LPIN1: variants seen among roughly 807,000 people sequenced by gnomAD.
LPIN1 encodes the protein phosphatidate phosphatase LPIN1.
Under a neutral mutation model 107.5 loss-of-function variants are expected in LPIN1, and 71 were observed. That is an observed-to-expected ratio of 0.66 (90% CI 0.55 to 0.80). The LOEUF is 0.80. Among genes scored for constraint, LPIN1 ranks in the 30% least tolerant of loss-of-function variants. The pLI is 0.00. For missense variants in LPIN1, 1,043 were observed against 1,160.6 expected (o/e 0.90, Z 1.47); for synonymous variants, 445 against 452.6 (o/e 0.98, Z 0.21).
At position 11,825,960 on chromosome 2, in the gene LPIN1, C is replaced by T. The variant is rs1007531632; in HGVS notation, c.*1169C>T. On this transcript the variant is annotated 3_prime_UTR_variant, in exon 21 of 21. Coordinates refer to ENST00000674199, the MANE Select transcript of LPIN1 (RefSeq NM_001349206.2). The surrounding 1 kb of genome is among the most constrained non-coding windows in gnomAD (Gnocchi z 4.1). Reference sequence around the variant, plus strand: ...TGGAATTTCTGAGTCATTTATTTTCCTTAGCTTTTTCCACTCAAATTAAGG... The same window carrying T: ...TGGAATTTCTGAGTCATTTATTTTCTTTAGCTTTTTCCACTCAAATTAAGG... 6.6e-6 allele frequency: 1 copy of T among 152,076 alleles called. No individual in the cohort carries two copies. The highest frequency in any genetic ancestry group is 1.5e-5 in the Non-Finnish European group (1 of 68,008). 9.4% of individuals were successfully genotyped at this position (152,076 alleles called of 1,614,324 possible).
intron 1 of LPIN1, among the ~76,000 whole-genome samples, chr2:11,708,291 G>A (rs377337324): frequency 6.6e-6 from 1 of 152,160 alleles, no homozygotes; most frequent in African/African-American, 2.4e-5. Context: ...TCAGCACAGA[G>A]GAGGGTGATT....
chr2:11,763,269 C>G (rs911792799), intron 1 of LPIN1: 1 of 152,638 alleles, frequency 6.6e-6, no homozygotes, highest in Non-Finnish European at 1.5e-5. Flanking sequence ...CTGCCATGAC[C>G]CAGTCCAGGG....
At chr2:11,772,783 A>G (rs1672067561) in intron 4 of LPIN1, among the ~76,000 whole-genome samples, 1 of 152,238 alleles carries the variant, frequency 6.6e-6, no homozygotes, top group Non-Finnish European at 1.5e-5. Context: ...ATAATTCGGT[A>G]TAATTTTTGA....
At chr2:11,678,235 C>G (rs980797428) in intron 1 of LPIN1, among the ~76,000 whole-genome samples, 3 of 152,158 alleles carry the variant, frequency 2.0e-5, no homozygotes, top group African/African-American at 7.2e-5. Context: ...TCCCTACTGC[C>G]CTTTTCAGAT....
chr2:11,763,879 A>T (rs1259318738), intron 1 of LPIN1, among the ~76,000 whole-genome samples: 1 of 151,280 alleles, frequency 6.6e-6, no homozygotes, highest in East Asian at 2.0e-4. Context: ...CTCCAGCGCC[A>T]GCTCCTCTGA....
rs77234361 is a variant in LPIN1, at chr2:11,807,064, C to A, written c.2249+1908C>A. On this transcript the variant is annotated intron_variant, in intron 17 of 20. Transcript: ENST00000674199. ...TTTTCCCCTATTGCCAACAGTGATG[C>A]AGTAAGCGTTCATAGACAATGCTTA... Among the ~76,000 whole-genome samples, 401 of 152,222 alleles carry A rather than the reference C, an allele frequency of 2.6e-3. 1 individual carries two copies. Among genetic ancestry groups the A allele is most frequent in the African/African-American group, 9.1e-3 (379 of 41,528 alleles).
chr2:11,715,683 C>T (rs9941720), intron 2 of LPIN1, among the ~76,000 whole-genome samples: 2,887 of 152,180 alleles, frequency 0.019, 96 homozygotes, highest in African/African-American at 0.066. Flanking sequence ...CAGAAAAATG[C>T]TTCCAAGAGA....
intron 1 of LPIN1, among the ~76,000 whole-genome samples, chr2:11,685,366 T>A (rs1661952127): frequency 6.6e-6 from 1 of 152,136 alleles, no homozygotes; most frequent in Non-Finnish European, 1.5e-5. Context: ...GGGTGTCATG[T>A]TAAGGGGACC....
Position 11,784,881 on chromosome 2 carries a change from T to A in LPIN1, c.1359-5T>A. Reference sequence around the variant, plus strand: ...GCCGGTCTCTGCCGCTTTTCCTCCTTCCAGCGGAGATCCTTCCGGACTCGC... The same window carrying A: ...GCCGGTCTCTGCCGCTTTTCCTCCTACCAGCGGAGATCCTTCCGGACTCGC... On this transcript the variant is annotated splice_polypyrimidine_tract_variant and splice_region_variant and intron_variant, in intron 9 of 20. Transcript: ENST00000674199. 6.2e-7 allele frequency: 1 copy of A among 1,613,758 alleles called. No individual in the cohort carries two copies. Among genetic ancestry groups the A allele is most frequent in the Non-Finnish European group, 8.5e-7 (1 of 1,179,920 alleles).
Position 11,824,682 on chromosome 2 carries a change from G to A in LPIN1, c.2672G>A (p.Arg891Lys), listed in dbSNP as rs1573060852. The change falls in exon 21 of 21, where the codon AGA becomes AAA. Residue 891 changes from arginine (R) to lysine (K), a missense_variant. Transcript: ENST00000674199. ...VVDHVFPLLK[R>K]SHSSDFPCSD... is the part of the protein sequence containing the mutation. ...GACCACGTTTTCCCGTTGCTGAAAA[G>A]AAGCCATTCTTCAGACTTTCCCTGT... is the stretch of plus-strand genomic sequence containing the variant. The A allele has an allele frequency of 6.2e-7, 1 of 1,614,096 alleles. No individual in the cohort carries two copies. Among genetic ancestry groups the A allele is most frequent in the Non-Finnish European group, 8.5e-7 (1 of 1,180,016 alleles).
intron 1 of LPIN1, among the ~76,000 whole-genome samples, chr2:11,694,847 G>A (rs1473749787): frequency 6.6e-6 from 1 of 152,144 alleles, no homozygotes; most frequent in Non-Finnish European, 1.5e-5. Flanking sequence ...AAAAATTCCT[G>A]AATCCTCACC....
chr2:11,689,828 C>G (rs530315346), intron 1 of LPIN1, among the ~76,000 whole-genome samples: 1 of 152,288 alleles, frequency 6.6e-6, no homozygotes, highest in South Asian at 2.1e-4. Flanking sequence ...TCTCTTGAAC[C>G]CGGGAGGTGG....
In LPIN1 at chr2:11,785,043, G is replaced by A. The variant is rs201046262; in HGVS notation, c.1516G>A (p.Gly506Arg). 5.7e-6 allele frequency: 9 copies of A among 1,581,998 alleles called. No homozygotes were observed. Among genetic ancestry groups the A allele is most frequent in the South Asian group, 4.5e-5 (4 of 88,272 alleles). Residue 506 changes from glycine (G) to arginine (R), a missense_variant, in exon 10 of 21, where the codon GGG (glycine) becomes AGG (arginine). By Grantham distance (125) the Gly-to-Arg change is moderately radical (BLOSUM62 -2). Coordinates refer to ENST00000674199, the MANE Select transcript of LPIN1 (RefSeq NM_001349206.2). ...DLPSIAISLC[G>R]GLSDHREITK... The stretch of plus-strand genomic sequence containing the variant: ...CCCTTCCATCGCCATCTCCCTCTGC[G>A]GGGGCCTCAGCGACCACCGGGAGAT...
At chr2:11,679,434 C>A (rs908721523) in intron 1 of LPIN1, among the ~76,000 whole-genome samples, 9 of 152,196 alleles carry the variant, frequency 5.9e-5, no homozygotes. Flanking sequence ...AAAGCATGTT[C>A]ATTGTAGAAT....
At chr2:11,715,615 G>A (rs1663682630) in intron 2 of LPIN1, among the ~76,000 whole-genome samples, 1 of 152,176 alleles carries the variant, frequency 6.6e-6, no homozygotes, top group Non-Finnish European at 1.5e-5. Flanking sequence ...GGGCCTCATG[G>A]GAGAGGAGAA....
At chr2:11,738,416 A>C (rs1572485100) in intron 1 of LPIN1, among the ~76,000 whole-genome samples, 1 of 149,252 alleles carries the variant, frequency 6.7e-6, no homozygotes. Flanking sequence ...AGAAGAGGGG[A>C]GGGTGTCAGT....
Position 11,782,321 on chromosome 2 carries a change from ACT to A in LPIN1, c.1081_1082del (p.Leu361GlyfsTer20). 6.2e-7 allele frequency: 1 copy of A among 1,614,124 alleles called. No individual in the cohort carries two copies. ...AGACACTTTTAGTGACCAATCGCCA[ACT>A]CTGGTCGGTGGGGCACTTTTGGACC... ...SSDTFSDQSP[T>X]LVGGALLDQN... On this transcript the variant is annotated frameshift_variant, in exon 8 of 21. Coordinates refer to ENST00000674199, the MANE Select transcript of LPIN1 (RefSeq NM_001349206.2). LOFTEE classifies it high-confidence loss of function.
chr2:11,795,604 T>G, intron 14 of LPIN1, 117 bp downstream of exon 14: 1 of 962,434 alleles, frequency 1.0e-6, no homozygotes. Flanking sequence ...GCTCTGTGAT[T>G]CACTTGGTGA....
chr2:11,809,447 G>T (rs944489050), intron 17 of LPIN1, among the ~76,000 whole-genome samples: 2 of 151,684 alleles, frequency 1.3e-5, no homozygotes, highest in Admixed American at 6.6e-5. Flanking sequence ...ATGGAGTTTT[G>T]CTCTTGTTGT....
Sources: gnomAD v4.1 joint callset for allele counts (sites outside exome capture counted in the v4.1 genomes callset) on GRCh38, gnomAD v4.1.1 for gene constraint, Gnocchi (gnomAD v3.1) non-coding constraint, MANE v1.5 for transcripts, NCBI Gene and HGNC (gene_info 2026-07-23, HGNC 2026-07-21) for gene names.